The following RPGRIP1L variants were observed in gnomAD, a reference collection of about 807,000 sequenced individuals.
RPGRIP1L encodes the protein protein fantom.
In RPGRIP1L, 131 loss-of-function variants were observed where a neutral mutation model predicts 160.4. The ratio of observed to expected loss-of-function variants is 0.82; its 90% CI spans 0.71 to 0.94. The LOEUF is 0.94. Ranked by LOEUF, RPGRIP1L falls within the 40% of genes least tolerant of loss-of-function variation. The pLI, the probability that RPGRIP1L is intolerant of heterozygous loss-of-function variation, is 0.00. For synonymous variants in RPGRIP1L, 510 were observed against 515.8 expected, an observed-to-expected ratio of 0.99 and a Z score of 0.15; for missense variants, 1,522 against 1,535.8, an observed-to-expected ratio of 0.99 and a Z score of 0.15.
chr16:53,658,263 T>A, intron 12 of RPGRIP1L, 151 bp downstream of exon 12: 1 of 714,718 alleles, frequency 1.4e-6, no homozygotes, highest in East Asian at 2.7e-5. Flanking sequence ...AGTGTTGACA[T>A]GTTACATACA....
At chr16:53,701,039 G>A (rs1971353056) in intron 1 of RPGRIP1L, among the ~76,000 whole-genome samples, 1 of 152,062 alleles carries the variant, frequency 6.6e-6, no homozygotes, top group Admixed American at 6.5e-5. Flanking sequence ...CAGATATCTT[G>A]GAAAAAACTC....
rs1971170535 is a variant in RPGRIP1L, at chr16:53,699,309, TCTG to T, written c.85+1327_85+1329del. Among the ~76,000 whole-genome samples the T allele has an allele frequency of 2.0e-5, 3 of 149,074 alleles. No individual in the cohort carries two copies. The South Asian group carries it at 6.3e-4, about 31-fold the overall frequency. ...CCAGAGACCTTTGTTCACTTGTTTA[TCTG>T]CTGACCTTCCCTCCACTATTGTCCT... On this transcript the variant is annotated intron_variant, in intron 2 of 26. Transcript: ENST00000647211.
At chr16:53,647,290 A>G (rs1966619565) in intron 16 of RPGRIP1L, among the ~76,000 whole-genome samples, 2 of 152,204 alleles carry the variant, frequency 1.3e-5, no homozygotes, top group Admixed American at 1.3e-4. Context: ...CAAAAACAAC[A>G]AAAAAGGGAC....
chr16:53,688,901 G>C (rs925050663), intron 4 of RPGRIP1L, among the ~76,000 whole-genome samples: 1 of 151,862 alleles, frequency 6.6e-6, no homozygotes, highest in Non-Finnish European at 1.5e-5. Context: ...CATTAAAATA[G>C]TTTACTGTGT....
chr16:53,661,427 T>C (rs1276213130), intron 10 of RPGRIP1L, among the ~76,000 whole-genome samples: 1 of 152,204 alleles, frequency 6.6e-6, no homozygotes, highest in Non-Finnish European at 1.5e-5. Flanking sequence ...TAAACTTTTT[T>C]GTTAGAGAAT....
intron 25 of RPGRIP1L, among the ~76,000 whole-genome samples, chr16:53,610,277 C>G (rs1963944169): frequency 6.6e-6 from 1 of 151,690 alleles, no homozygotes; most frequent in Non-Finnish European, 1.5e-5. Context: ...TCTACTGAAC[C>G]AGAATTGCAA....
At chr16:53,664,454 A>C (rs1968070055) in intron 10 of RPGRIP1L, among the ~76,000 whole-genome samples, 1 of 152,108 alleles carries the variant, frequency 6.6e-6, no homozygotes, top group Admixed American at 6.6e-5. Flanking sequence ...TTACATATTT[A>C]TTTAATTGTT....
intron 19 of RPGRIP1L, among the ~76,000 whole-genome samples, chr16:53,640,143 A>G (rs1408499852): frequency 6.6e-6 from 1 of 152,176 alleles, no homozygotes; most frequent in Non-Finnish European, 1.5e-5. Flanking sequence ...AAAAAAGAGG[A>G]GTCAAGAGGA....
rs1967469151 is a variant in RPGRIP1L at position 53,658,559 on chromosome 16, G to A, written c.1351-95C>T. ...AAATTATCCCCATGAAACATAAACT[G>A]ACTGATGCCATGAACTAACAAACTA... On this transcript the variant is annotated intron_variant, in intron 11 of 26. Transcript: ENST00000647211. The A allele has an allele frequency of 3.8e-6, 4 of 1,048,436 alleles. No individual in the cohort carries two copies. In the South Asian group the frequency reaches 3.9e-5, roughly 10 times the overall value. The allele number at this position is 1,048,436 out of a possible 1,614,324, so 64.9% of individuals were successfully genotyped here.
At chr16:53,695,889 T>C (rs1439435233) in intron 3 of RPGRIP1L, 2 of 369,802 alleles carry the variant, frequency 5.4e-6, no homozygotes, top group African/African-American at 2.1e-5. Context: ...AAACCAAAAG[T>C]TATTTATAGG....
At chr16:53,636,826 G>C (rs561220565) in intron 21 of RPGRIP1L, among the ~76,000 whole-genome samples, 8 of 152,030 alleles carry the variant, frequency 5.3e-5, no homozygotes, top group Non-Finnish European at 8.8e-5. Context: ...AGTCTGACCA[G>C]TAATGTTATG....
At chr16:53,693,069 G>C (rs1456699048) in intron 3 of RPGRIP1L, among the ~76,000 whole-genome samples, 3 of 152,180 alleles carry the variant, frequency 2.0e-5, no homozygotes, top group African/African-American at 7.2e-5. Flanking sequence ...ATAAAAACTG[G>C]TTAGAAAGAA....
rs7192060 is a variant in RPGRIP1L at position 53,658,287 on chromosome 16, T to C, written c.1401+127A>G. 132,232 of 752,942 alleles carry C rather than the reference T, an allele frequency of 0.18. 16,304 individuals carry two copies. Among genetic ancestry groups the C allele is most frequent in the African/African-American group, 0.43 (25,228 of 58,112 alleles). The allele number at this position is 752,942 out of a possible 1,614,324, so 46.6% of individuals were successfully genotyped here. On this transcript the variant is annotated intron_variant, in intron 12 of 26. Transcript: ENST00000647211. ...ATGTTACATACATATTTGTAAAGGA[T>C]GTACTAAGTTTCAGAAGATGCAAGA...
Position 53,600,251 on chromosome 16 carries a change from G to A in RPGRIP1L, c.*1825C>T, listed in dbSNP as rs922525844. On this transcript the variant is annotated 3_prime_UTR_variant, in exon 27 of 27. Transcript: ENST00000647211. ...GAATATTATGGGCCTTAATGACACT[G>A]TAACTGCATAAAGCCAAAGAAAGCT... 3 of 152,572 alleles carry A rather than the reference G, an allele frequency of 2.0e-5. No homozygotes were observed. Among genetic ancestry groups the A allele is most frequent in the Non-Finnish European group, 2.9e-5 (2 of 68,040 alleles). 9.5% of individuals were successfully genotyped at this position (152,572 alleles called of 1,614,324 possible). A position where few individuals can be genotyped will look rare whatever the true frequency, so the allele number is the denominator to read the frequency against.
At chr16:53,624,445 G>A (rs1391072430) in intron 22 of RPGRIP1L, among the ~76,000 whole-genome samples, 1 of 152,004 alleles carries the variant, frequency 6.6e-6, no homozygotes, top group Non-Finnish European at 1.5e-5. Context: ...TCGGGAGGCT[G>A]AGGCAGAAGA....
chr16:53,619,755 A>G (rs879915819), intron 23 of RPGRIP1L, among the ~76,000 whole-genome samples: 10 of 152,234 alleles, frequency 6.6e-5, no homozygotes, highest in Non-Finnish European at 1.3e-4. Context: ...TGTTGAATAA[A>G]TAATACATTT....
intron 16 of RPGRIP1L, among the ~76,000 whole-genome samples, chr16:53,648,620 G>GCCCA (rs1329861075): frequency 9.6e-5 from 6 of 62,400 alleles, no homozygotes; most frequent in African/African-American, 2.4e-4. Flanking sequence ...GCGTGCGCGC[G>GCCCA]CGCGCGCACA....
intron 4 of RPGRIP1L, among the ~76,000 whole-genome samples, chr16:53,691,757 T>C (rs1416086797): frequency 6.6e-6 from 1 of 152,196 alleles, no homozygotes; most frequent in African/African-American, 2.4e-5. Context: ...GCAAACTAGC[T>C]AGTTTCCCCA....
chr16:53,678,137 C>CT (rs34212430), intron 6 of RPGRIP1L, among the ~76,000 whole-genome samples: 85 of 143,244 alleles, frequency 5.9e-4, no homozygotes, highest in East Asian at 1.6e-3. Context: ...TTTCTCTTTC[C>CT]TTTTTTTTTT....
Sources: gnomAD v4.1 joint callset for allele counts (sites outside exome capture counted in the v4.1 genomes callset) on GRCh38, gnomAD v4.1.1 for gene constraint, MANE v1.5 for transcripts, NCBI Gene and HGNC (gene_info 2026-07-23, HGNC 2026-07-21) for gene names.